NKAIN3: variants seen among roughly 807,000 people sequenced by gnomAD.
The protein encoded by NKAIN3 is sodium/potassium transporting ATPase interacting 3.
NKAIN3 carries 25 observed loss-of-function variants against 30.2 expected under a neutral mutation model. The observed-to-expected ratio is 0.83, with a 90% confidence interval of 0.60 to 1.16. The LOEUF is 1.16. Ranked by LOEUF, NKAIN3 falls within the 50% of genes most tolerant of loss-of-function variation. NKAIN3 has a pLI of 0.00. For synonymous variants in NKAIN3, 91 were observed against 89.6 expected (o/e 1.02, Z -0.09); for missense variants, 225 against 254.1 (o/e 0.89, Z 0.78).
chr8:62,877,706 T>C (rs1408014311), intron 4 of NKAIN3, among the ~76,000 whole-genome samples: 1 of 152,220 alleles, frequency 6.6e-6, no homozygotes, highest in Non-Finnish European at 1.5e-5. Context: ...AATGGACGGC[T>C]TATTTTCATA....
chr8:62,632,932 C>T (rs1812010447), intron 3 of NKAIN3, among the ~76,000 whole-genome samples: 1 of 152,096 alleles, frequency 6.6e-6, no homozygotes, highest in African/African-American at 2.4e-5. Context: ...GGAAATGCCC[C>T]ATCTCTATTT....
At chr8:62,804,117 A>C (rs536228478) in intron 4 of NKAIN3, among the ~76,000 whole-genome samples, 181 of 152,304 alleles carry the variant, frequency 1.2e-3, no homozygotes, top group Non-Finnish European at 4.0e-4. Flanking sequence ...TGTGGCAATA[A>C]TCAATAGCTT....
chr8:62,479,129 G>C (rs149531330), intron 1 of NKAIN3, among the ~76,000 whole-genome samples: 322 of 152,276 alleles, frequency 2.1e-3, no homozygotes, highest in Non-Finnish European at 3.9e-3. Context: ...ATGTCACTCA[G>C]GCTCCTTGTT....
rs570480679 is a variant in NKAIN3, at chr8:62,648,455, T to C, written c.273+58661T>C. ...CTAAGAAGCAAGCTGGAAGCAAAGC[T>C]ACACGCTAACCCCTTATGGGGGTTG... On this transcript the variant is annotated intron_variant, in intron 3 of 6. Transcript: ENST00000623646. Among the ~76,000 whole-genome samples the C allele has an allele frequency of 2.6e-3, 391 of 152,236 alleles. 3 individuals carry two copies. The highest frequency in any genetic ancestry group is 8.5e-3 in the African/African-American group (355 of 41,560).
At chr8:62,829,701 A>C (rs1178440524) in intron 4 of NKAIN3, among the ~76,000 whole-genome samples, 1 of 151,786 alleles carries the variant, frequency 6.6e-6, no homozygotes, top group Non-Finnish European at 1.5e-5. Context: ...AAGATTAACA[A>C]GGCTAAATTT....
chr8:62,948,830 CG>C (rs1464077650), intron 5 of NKAIN3, among the ~76,000 whole-genome samples: 4 of 152,144 alleles, frequency 2.6e-5, no homozygotes, highest in Non-Finnish European at 5.9e-5. Flanking sequence ...CTTCATCTAA[CG>C]GTGTTAATTC....
intron 3 of NKAIN3, among the ~76,000 whole-genome samples, chr8:62,717,073 T>C (rs1814929567): frequency 6.6e-6 from 1 of 152,190 alleles, no homozygotes. Flanking sequence ...AATTACTATG[T>C]GAAAGGGCTT....
chr8:62,485,214 G>T (rs1047647379), intron 1 of NKAIN3, among the ~76,000 whole-genome samples: 5 of 152,112 alleles, frequency 3.3e-5, no homozygotes, highest in Admixed American at 2.6e-4. Context: ...AAGCCCAAGG[G>T]AGAAAGATTG....
intron 1 of NKAIN3, among the ~76,000 whole-genome samples, chr8:62,552,370 G>A (rs1003280549): frequency 5.9e-5 from 9 of 152,110 alleles, no homozygotes; most frequent in African/African-American, 2.2e-4. Context: ...TGATTTCTTT[G>A]CACTGTTGAT....
intron 4 of NKAIN3, among the ~76,000 whole-genome samples, chr8:62,806,854 T>C (rs1287870328): frequency 2.0e-5 from 3 of 151,136 alleles, no homozygotes; most frequent in Admixed American, 6.6e-5. Flanking sequence ...ATAAAAACAA[T>C]ATCACCAGAG....
intron 5 of NKAIN3, among the ~76,000 whole-genome samples, chr8:62,950,421 A>C (rs2130893424): frequency 6.6e-6 from 1 of 152,310 alleles, no homozygotes; most frequent in African/African-American, 2.4e-5. Context: ...CCATCCATGA[A>C]GAATTCTTGA....
intron 5 of NKAIN3, among the ~76,000 whole-genome samples, chr8:62,952,100 A>C (rs1237104664): frequency 6.6e-6 from 1 of 152,178 alleles, no homozygotes; most frequent in Non-Finnish European, 1.5e-5. Flanking sequence ...ATGCCCAGCA[A>C]GCATAAGCCT....
rs1169127988 is a variant in NKAIN3 at position 62,592,723 on chromosome 8, AATAC to A, written c.273+2937_273+2940del. Among the ~76,000 whole-genome samples, 3 of 151,982 alleles carry A rather than the reference AATAC, an allele frequency of 2.0e-5. 1 individual carries two copies. The highest frequency in any genetic ancestry group is 4.4e-5 in the Non-Finnish European group (3 of 67,926). ...TTATATGAAATACACATTAAACATA[AATAC>A]ATACATATATTTAAATTAAAAAGAT... On this transcript the variant is annotated intron_variant, in intron 3 of 6. Coordinates refer to ENST00000623646, the MANE Select transcript of NKAIN3 (RefSeq NM_001304533.3).
chr8:62,985,213 C>A (rs889230289), downstream of NKAIN3, among the ~76,000 whole-genome samples: 5 of 152,218 alleles, frequency 3.3e-5, no homozygotes, highest in Non-Finnish European at 7.3e-5. Flanking sequence ...ACATCTCACC[C>A]CTGCCACTCA....
At chr8:62,695,885 T>C (rs1000596670) in intron 3 of NKAIN3, among the ~76,000 whole-genome samples, 8 of 152,224 alleles carry the variant, frequency 5.3e-5, no homozygotes, top group Admixed American at 2.0e-4. Flanking sequence ...GAGCATACAA[T>C]AGGAAAATTT....
At chr8:62,483,689 G>T in intron 1 of NKAIN3, 2 of 273,882 alleles carry the variant, frequency 7.3e-6, no homozygotes, top group East Asian at 1.2e-4. Flanking sequence ...AGGTTGTCAG[G>T]GACAATAAGC....
At chr8:62,961,943 A>G (rs1320468206) in intron 6 of NKAIN3, among the ~76,000 whole-genome samples, 1 of 152,206 alleles carries the variant, frequency 6.6e-6, no homozygotes, top group African/African-American at 2.4e-5. Flanking sequence ...TAGGAAATGA[A>G]GAATTCTCAA....
chr8:62,528,619 G>T (rs1292103747), intron 1 of NKAIN3, among the ~76,000 whole-genome samples: 2 of 151,938 alleles, frequency 1.3e-5, no homozygotes, highest in Non-Finnish European at 2.9e-5. Context: ...CAGGAGGGCA[G>T]TTAGCCTCTG....
At chr8:62,378,040 T>C (rs772202871) in intron 1 of NKAIN3, among the ~76,000 whole-genome samples, 3 of 152,124 alleles carry the variant, frequency 2.0e-5, no homozygotes, top group Non-Finnish European at 4.4e-5. Flanking sequence ...GTAGAAAAGT[T>C]GGGAACATTT....
Sources: allele counts gnomAD v4.1 joint callset (sites outside exome capture counted in the v4.1 genomes callset), GRCh38; gene constraint gnomAD v4.1.1; transcripts MANE v1.5; gene names NCBI Gene and HGNC (gene_info 2026-07-23, HGNC 2026-07-21).